The following PDE10A variants were observed in gnomAD, a reference collection of about 807,000 sequenced individuals.
PDE10A encodes cAMP and cAMP-inhibited cGMP 3',5'-cyclic phosphodiesterase 10A.
A neutral mutation model predicts 97.7 loss-of-function variants in PDE10A; 39 were observed. The ratio of observed to expected loss-of-function variants is 0.40; its 90% CI spans 0.31 to 0.52. The LOEUF (loss-of-function observed/expected upper bound fraction) is 0.52, where lower values mean the gene tolerates loss of function less well. Ranked by LOEUF, PDE10A falls within the 20% of genes least tolerant of loss-of-function variation. PDE10A has a pLI of 0.56. For missense variants in PDE10A, 731 were observed against 1,047.8 expected (o/e 0.70, Z 4.17); for synonymous variants, 371 against 376.8 (o/e 0.98, Z 0.18).
chr6:165,338,080 T>G (rs373928143), intron 20 of PDE10A, among the ~76,000 whole-genome samples: 1 of 152,128 alleles, frequency 6.6e-6, no homozygotes, highest in South Asian at 2.1e-4. Flanking sequence ...GACAAAAACT[T>G]CAAAATACAC....
At chr6:165,439,964 C>A (rs1790310820) in intron 5 of PDE10A, among the ~76,000 whole-genome samples, 1 of 152,076 alleles carries the variant, frequency 6.6e-6, no homozygotes, top group Non-Finnish European at 1.5e-5. Flanking sequence ...TCTTTCCATG[C>A]ACAATTCAAA....
At chr6:165,384,272 T>C (rs1371948158) in intron 17 of PDE10A, among the ~76,000 whole-genome samples, 1 of 151,926 alleles carries the variant, frequency 6.6e-6, no homozygotes, top group African/African-American at 2.4e-5. Flanking sequence ...TTGGGAGCTG[T>C]AGTGGTCAGA....
intron 1 of PDE10A, among the ~76,000 whole-genome samples, chr6:165,831,031 TA>T (rs1015360150): frequency 6.6e-6 from 1 of 152,116 alleles, no homozygotes; most frequent in Non-Finnish European, 1.5e-5. Flanking sequence ...TAAGATAGCT[TA>T]AAATAACTTT....
intron 16 of PDE10A, among the ~76,000 whole-genome samples, chr6:165,392,357 A>T (rs1486646917): frequency 6.6e-6 from 1 of 152,204 alleles, no homozygotes; most frequent in Non-Finnish European, 1.5e-5. Flanking sequence ...TTCACTGTTT[A>T]TATCCCTTCA....
chr6:165,334,288 C>T (rs981511842), intron 21 of PDE10A, among the ~76,000 whole-genome samples: 2 of 150,652 alleles, frequency 1.3e-5, no homozygotes, highest in East Asian at 2.0e-4. Context: ...CCTACAGCGC[C>T]GGGCACGCGC....
chr6:165,791,647 G>C (rs532226397), intron 1 of PDE10A, among the ~76,000 whole-genome samples: 1 of 152,284 alleles, frequency 6.6e-6, no homozygotes, highest in South Asian at 2.1e-4. Flanking sequence ...CGTTTCTAGG[G>C]AAGGACGAAG....
At chr6:165,986,230 G>C (rs1046601878) in intron 1 of PDE10A, 1 of 153,214 alleles carries the variant, frequency 6.5e-6, no homozygotes, top group Non-Finnish European at 1.5e-5. Context: ...CCAGGGCTGG[G>C]GATTTGGGGG....
chr6:165,401,200 T>C (rs957052848), intron 13 of PDE10A, among the ~76,000 whole-genome samples: 1 of 152,240 alleles, frequency 6.6e-6, no homozygotes, highest in African/African-American at 2.4e-5. Context: ...TAAAAGTTTC[T>C]GCTCTGTCTT....
intron 1 of PDE10A, among the ~76,000 whole-genome samples, chr6:165,768,151 T>G (rs545610380): frequency 6.6e-6 from 1 of 152,220 alleles, no homozygotes; most frequent in African/African-American, 2.4e-5. Context: ...CTTTTTATCG[T>G]TGAGTTGTAA....
At chr6:165,360,526 TAA>T (rs1429517696) in intron 18 of PDE10A, among the ~76,000 whole-genome samples, 3 of 152,110 alleles carry the variant, frequency 2.0e-5, no homozygotes, top group African/African-American at 7.2e-5. Flanking sequence ...GGTACTCCCA[TAA>T]AGAGTGGATG....
At position 165,661,947 on chromosome 6, in the gene PDE10A, T is replaced by C. The variant is rs1227323712; in HGVS notation, c.865A>G (p.Ser289Gly). 2 of 1,018,814 alleles carry C rather than the reference T, an allele frequency of 2.0e-6. No individual in the cohort carries two copies. Among genetic ancestry groups the C allele is most frequent in the South Asian group, 1.4e-5 (1 of 71,776 alleles). 63.1% of individuals were successfully genotyped at this position (1,018,814 alleles called of 1,614,324 possible). A position where few individuals can be genotyped will look rare whatever the true frequency, so the allele number is the denominator to read the frequency against. ...RRLTECFLSP[S>G]LTDEKVKAYL... ...GGGGAACGGGGAGCAGGCCACTTAC[T>C]GGGGCTCAGGAAGCACTCGGTCAGC... is the stretch of plus-strand genomic sequence containing the variant. The change falls in exon 1 of 22, where the codon AGT (serine) becomes GGT (glycine). Residue 289 changes from serine to glycine, a missense_variant and splice_region_variant. Transcript: ENST00000539869. The surrounding 1 kb of genome is among the most constrained non-coding windows in gnomAD (Gnocchi z 4.8).
intron 1 of PDE10A, among the ~76,000 whole-genome samples, chr6:165,618,955 CAGTGTAGACTAGTGT>C (rs1239142803): frequency 3.2e-5 from 3 of 95,084 alleles, no homozygotes; most frequent in African/African-American, 2.1e-4. Flanking sequence ...TAGTGTAGTG[CAGTGTAGACTAGTGT>C]AGTGTAGTCT....
intron 1 of PDE10A, among the ~76,000 whole-genome samples, chr6:165,651,169 A>G (rs1278770357): frequency 6.6e-6 from 1 of 152,222 alleles, no homozygotes; most frequent in Non-Finnish European, 1.5e-5. Flanking sequence ...TATGAAGTTT[A>G]TGAATATTTG....
intron 1 of PDE10A, among the ~76,000 whole-genome samples, chr6:165,765,363 T>G (rs559640309): frequency 1.3e-5 from 2 of 152,212 alleles, no homozygotes; most frequent in Admixed American, 1.3e-4. Context: ...AGGCTCGGGC[T>G]GCACAGGAGC....
chr6:165,707,479 A>G (rs1791742153), intron 1 of PDE10A, among the ~76,000 whole-genome samples: 1 of 152,184 alleles, frequency 6.6e-6, no homozygotes, highest in South Asian at 2.1e-4. Flanking sequence ...ATTTCACTGA[A>G]TTTTGGTTAA....
chr6:165,461,108 G>A (rs1778301960), intron 3 of PDE10A, among the ~76,000 whole-genome samples: 2 of 152,074 alleles, frequency 1.3e-5, no homozygotes, highest in Admixed American at 1.3e-4. Context: ...TTTCCCCTTG[G>A]AATTCTCTAG....
chr6:165,726,681 C>A (rs924234162), intron 1 of PDE10A, among the ~76,000 whole-genome samples: 1 of 152,218 alleles, frequency 6.6e-6, no homozygotes, highest in Non-Finnish European at 1.5e-5. Context: ...CATGGTTAGA[C>A]CCCACCCAGC....
chr6:165,795,083 C>T (rs995500492), intron 1 of PDE10A, among the ~76,000 whole-genome samples: 3 of 152,184 alleles, frequency 2.0e-5, no homozygotes, highest in African/African-American at 7.2e-5. Context: ...TTTTCTGCAT[C>T]TACCTACCCC....
At chr6:165,817,503 G>C (rs1463993292) in intron 1 of PDE10A, among the ~76,000 whole-genome samples, 1 of 152,106 alleles carries the variant, frequency 6.6e-6, no homozygotes, top group African/African-American at 2.4e-5. Context: ...AGGTTGGGTT[G>C]GGTGGTTAAG....
Sources: gnomAD v4.1 joint callset for allele counts (sites outside exome capture counted in the v4.1 genomes callset) on GRCh38, gnomAD v4.1.1 for gene constraint, Gnocchi (gnomAD v3.1) non-coding constraint, MANE v1.5 for transcripts, NCBI Gene and HGNC (gene_info 2026-07-23, HGNC 2026-07-21) for gene names.